The following ADAMTS19 variants were observed in gnomAD, a reference collection of about 807,000 sequenced individuals.
ADAMTS19 encodes the protein A disintegrin and metalloproteinase with thrombospondin motifs 19.
In ADAMTS19, 93 loss-of-function variants were observed where a neutral mutation model predicts 153.3. That is an observed-to-expected ratio of 0.61 (90% CI 0.51 to 0.72). The LOEUF is 0.72. ADAMTS19 is among the 30% of genes least tolerant of loss of function. The pLI, the probability that ADAMTS19 is intolerant of heterozygous loss-of-function variation, is 0.00. For synonymous variants in ADAMTS19, 600 were observed against 556.6 expected (o/e 1.08, Z -1.10); for missense variants, 1,482 against 1,552.1 (o/e 0.95, Z 0.76).
In ADAMTS19 at chr5:129,620,758, G is replaced by A; in HGVS notation, c.1619G>A (p.Arg540Lys). The A allele has an allele frequency of 6.2e-7, 1 of 1,611,092 alleles. No homozygotes were observed. Among genetic ancestry groups the A allele is most frequent in the Non-Finnish European group, 8.5e-7 (1 of 1,178,268 alleles). The change falls in exon 9 of 23, where the codon AGG becomes AAG. Residue 540 changes from arginine to lysine, a missense_variant and splice_region_variant. Physicochemically the swap from Arg to Lys is conservative, Grantham distance 26. Around this residue, in one of 2 missense-constraint regions of ADAMTS19, gnomAD observed 866 missense variants for 827.7 expected, o/e 1.05. Transcript: ENST00000274487. ...CSKEDLERFLRSKASNCLLQT... is the reference protein window; with the variant it reads ...CSKEDLERFLKSKASNCLLQT... Reference sequence around the variant, plus strand: ...AAGGAAGATTTGGAAAGATTTCTCAGGTATGGAGGTCACTTATTGTTTTTG... The same window carrying A: ...AAGGAAGATTTGGAAAGATTTCTCAAGTATGGAGGTCACTTATTGTTTTTG...
rs781715863 is a variant in ADAMTS19 at position 129,483,515 on chromosome 5, A to G, written c.747+21758A>G. 3.3e-5 allele frequency among the ~76,000 whole-genome samples: 5 copies of G among 152,208 alleles called. No individual in the cohort carries two copies. In the South Asian group the frequency reaches 1.0e-3, roughly 32 times the overall value. On this transcript the variant is annotated intron_variant, in intron 2 of 22. Transcript: ENST00000274487. ...CCTAGATGCTCAGTTGTGACAGCCC[A>G]GAATGTATGCAGACATTGCCAGATT...
At chr5:129,683,189 A>AAT (rs941483653) in intron 17 of ADAMTS19, among the ~76,000 whole-genome samples, 6 of 142,104 alleles carry the variant, frequency 4.2e-5, no homozygotes, top group East Asian at 2.1e-4. Context: ...TGTATAAAGA[A>AAT]ATATATATAT....
At chr5:129,690,328 A>G (rs1453766838) in intron 18 of ADAMTS19, among the ~76,000 whole-genome samples, 2 of 152,242 alleles carry the variant, frequency 1.3e-5, no homozygotes, top group Non-Finnish European at 2.9e-5. Flanking sequence ...ACTATAGTGT[A>G]AAGTATGAGG....
chr5:129,677,823 C>T (rs539323018), intron 16 of ADAMTS19, among the ~76,000 whole-genome samples: 1 of 151,978 alleles, frequency 6.6e-6, no homozygotes, highest in East Asian at 1.9e-4. Context: ...CTTTCCCCCC[C>T]ACCCCGCCAG....
At chr5:129,546,935 T>C (rs1308391096) in intron 6 of ADAMTS19, among the ~76,000 whole-genome samples, 1 of 150,790 alleles carries the variant, frequency 6.6e-6, no homozygotes, top group Non-Finnish European at 1.5e-5. Context: ...AAGGGAGAGA[T>C]TGGATTAAAA....
intron 7 of ADAMTS19, among the ~76,000 whole-genome samples, chr5:129,581,055 A>C (rs1749490956): frequency 6.6e-6 from 1 of 152,114 alleles, no homozygotes; most frequent in Non-Finnish European, 1.5e-5. Flanking sequence ...CTGTGAATCC[A>C]TCTGGTCCTG....
chr5:129,620,687 G>T lies in ADAMTS19; in HGVS notation c.1548G>T (p.Trp516Cys). ...ADGLHIMSGE[W>C]IKGQNLGDVS... is the part of the protein sequence containing the mutation. ...GTCTTCATATCATGTCTGGTGAATG[G>T]ATTAAAGGACAGAATCTTGGTGACG... Residue 516 changes from tryptophan to cysteine, a missense_variant, in exon 9 of 23, where the codon TGG becomes TGT. Trp to Cys is a radical substitution (Grantham distance 215, BLOSUM62 -2). Transcript: ENST00000274487. 6.2e-7 allele frequency: 1 copy of T among 1,613,114 alleles called. No homozygotes were observed. Among genetic ancestry groups the T allele is most frequent in the Non-Finnish European group, 8.5e-7 (1 of 1,179,358 alleles).
rs1757753909 is a variant in ADAMTS19 at position 129,738,190 on chromosome 5, G to C, written c.*972G>C. On this transcript the variant is annotated 3_prime_UTR_variant, in exon 23 of 23. Coordinates refer to ENST00000274487, the MANE Select transcript of ADAMTS19 (RefSeq NM_133638.6). ...CATATAATACGGTGGTCGTTTCATT[G>C]TGTTTTTCTTCCTTTTAAAAATTAA... is the stretch of plus-strand genomic sequence containing the variant. 6.6e-6 allele frequency: 1 copy of C among 151,960 alleles called. No individual in the cohort carries two copies. The highest frequency in any genetic ancestry group is 1.5e-5 in the Non-Finnish European group (1 of 67,942). The allele number at this position is 151,960 out of a possible 1,614,324, so 9.4% of individuals were successfully genotyped here. A position where few individuals can be genotyped will look rare whatever the true frequency, so the allele number is the denominator to read the frequency against.
At chr5:129,628,287 A>G (rs1213779714) in intron 10 of ADAMTS19, among the ~76,000 whole-genome samples, 1 of 151,968 alleles carries the variant, frequency 6.6e-6, no homozygotes, top group African/African-American at 2.4e-5. Context: ...AACAATAGAC[A>G]CTGGGGCCTA....
rs1753271399 is a variant in ADAMTS19, at chr5:129,555,164, A to G, written c.1372+3257A>G. 2.0e-5 allele frequency among the ~76,000 whole-genome samples: 3 copies of G among 152,074 alleles called. No individual in the cohort carries two copies. In the East Asian group the frequency reaches 5.8e-4, roughly 29 times the overall value. On this transcript the variant is annotated intron_variant, in intron 7 of 22. Transcript: ENST00000274487. ...GAGAAAGGGAAGAAGTGGATTTAGT[A>G]TTTATTAGTTTGGATCATATAGGGT...
chr5:129,612,122 C>G (rs1034038350), intron 8 of ADAMTS19, among the ~76,000 whole-genome samples: 2 of 112,706 alleles, frequency 1.8e-5, no homozygotes, highest in Admixed American at 1.0e-4. Context: ...ATCCCTCCCC[C>G]CTACCCCCAC....
intron 21 of ADAMTS19, among the ~76,000 whole-genome samples, chr5:129,704,798 A>G (rs1056282230): frequency 6.6e-6 from 1 of 152,162 alleles, no homozygotes; most frequent in Non-Finnish European, 1.5e-5. Context: ...CTCTTACTAG[A>G]TAAAAGACAG....
At chr5:129,712,556 T>G (rs1455627891) in intron 21 of ADAMTS19, among the ~76,000 whole-genome samples, 1 of 152,184 alleles carries the variant, frequency 6.6e-6, no homozygotes, top group Non-Finnish European at 1.5e-5. Flanking sequence ...GTTTTGTCTC[T>G]GTCTCTTTGC....
At chr5:129,721,814 C>T (rs74549344) in intron 21 of ADAMTS19, among the ~76,000 whole-genome samples, 131 of 152,092 alleles carry the variant, frequency 8.6e-4, no homozygotes, top group African/African-American at 3.1e-3. Context: ...CATGTATTCT[C>T]ATTGTTCAGC....
intron 10 of ADAMTS19, among the ~76,000 whole-genome samples, chr5:129,624,825 A>G (rs967798825): frequency 6.6e-6 from 1 of 152,086 alleles, no homozygotes; most frequent in Non-Finnish European, 1.5e-5. Flanking sequence ...TTTATGATGT[A>G]ATTTGACACT....
chr5:129,690,015 A>G (rs1755260251), intron 18 of ADAMTS19, among the ~76,000 whole-genome samples: 1 of 152,216 alleles, frequency 6.6e-6, no homozygotes, highest in Non-Finnish European at 1.5e-5. Context: ...ACCATTTTAG[A>G]AAACATAGTA....
rs544413267 is a variant in ADAMTS19, at chr5:129,490,787, A to G, written c.748-18290A>G. ...GAACTGCTCTCAGTTATCTTTGTAA[A>G]ACAGGTATTTTATAACGACTTCATT... On this transcript the variant is annotated intron_variant, in intron 2 of 22. Coordinates refer to ENST00000274487, the MANE Select transcript of ADAMTS19 (RefSeq NM_133638.6). Among the ~76,000 whole-genome samples, 37 of 152,260 alleles carry G rather than the reference A, an allele frequency of 2.4e-4. 1 individual carries two copies. The highest frequency in any genetic ancestry group is 8.2e-4 in the African/African-American group (34 of 41,566).
intron 10 of ADAMTS19, among the ~76,000 whole-genome samples, chr5:129,634,201 A>T (rs993286689): frequency 1.3e-5 from 2 of 152,174 alleles, no homozygotes; most frequent in Non-Finnish European, 2.9e-5. Flanking sequence ...ATGCACAAAA[A>T]ATAAAATACC....
chr5:129,650,630 G>A (rs1383283696), intron 13 of ADAMTS19, among the ~76,000 whole-genome samples: 4 of 152,030 alleles, frequency 2.6e-5, no homozygotes, highest in African/African-American at 9.7e-5. Context: ...CTCCAGTTGT[G>A]GCCTTGATGC....
Sources: gnomAD v4.1 joint callset for allele counts (sites outside exome capture counted in the v4.1 genomes callset) on GRCh38, gnomAD v4.1.1 for gene constraint, gnomAD v4.1.1 regional missense constraint, MANE v1.5 for transcripts, NCBI Gene and HGNC (gene_info 2026-07-23, HGNC 2026-07-21) for gene names.